SND1: variants seen among roughly 807,000 people sequenced by gnomAD.
SND1 encodes staphylococcal nuclease domain-containing protein 1.
SND1 carries 38 observed loss-of-function variants against 121.7 expected under a neutral mutation model. That is an observed-to-expected ratio of 0.31 (90% CI 0.24 to 0.41). The LOEUF is 0.41. SND1 is among the 10% of genes least tolerant of loss of function. The probability of loss-of-function intolerance (pLI) is 1.00; values close to 1 mark genes in which losing one functional copy is unlikely to be tolerated. For missense variants in SND1, 868 were observed against 1,184.6 expected (o/e 0.73, Z 3.92); for synonymous variants, 401 against 447.4 (o/e 0.90, Z 1.31).
At chr7:128,020,082 G>A (rs1414200245) in intron 16 of SND1, among the ~76,000 whole-genome samples, 1 of 152,186 alleles carries the variant, frequency 6.6e-6, no homozygotes, top group Non-Finnish European at 1.5e-5. Context: ...GTAGAGAGAA[G>A]GGGAAGGCCA....
chr7:127,757,414 C>T (rs1286895138), intron 10 of SND1, among the ~76,000 whole-genome samples: 1 of 152,148 alleles, frequency 6.6e-6, no homozygotes, highest in Non-Finnish European at 1.5e-5. Flanking sequence ...TGGATGCGCA[C>T]ATTCGTTTGT....
At chr7:127,935,106 G>C (rs1229115415) in intron 15 of SND1, among the ~76,000 whole-genome samples, 1 of 152,092 alleles carries the variant, frequency 6.6e-6, no homozygotes, top group Non-Finnish European at 1.5e-5. Flanking sequence ...GTAACCTCTC[G>C]GTACAGTTTC....
At chr7:127,711,737 C>CAAAAA (rs1320608722) in intron 9 of SND1, among the ~76,000 whole-genome samples, 2 of 151,854 alleles carry the variant, frequency 1.3e-5, no homozygotes, top group African/African-American at 4.8e-5. Flanking sequence ...GCTCATCTTC[C>CAAAAA]AGTTTTTTTC....
chr7:127,942,356 C>T (rs1352471786), intron 15 of SND1, among the ~76,000 whole-genome samples: 1 of 152,052 alleles, frequency 6.6e-6, no homozygotes, highest in African/African-American at 2.4e-5. Context: ...GTGAGATTTG[C>T]CAGGAGCAAA....
At chr7:127,945,235 G>A (rs995214318) in intron 15 of SND1, among the ~76,000 whole-genome samples, 9 of 152,244 alleles carry the variant, frequency 5.9e-5, no homozygotes, top group Non-Finnish European at 1.3e-4. Flanking sequence ...GCTCACGCCT[G>A]TAATCCCAGC....
intron 13 of SND1, among the ~76,000 whole-genome samples, chr7:127,900,381 G>A (rs138456978): frequency 7.2e-5 from 11 of 152,142 alleles, no homozygotes; most frequent in Non-Finnish European, 1.5e-4. Flanking sequence ...CTGTGACTGC[G>A]GTGCTCAGAC....
At chr7:127,831,363 A>G (rs960738836) in intron 11 of SND1, among the ~76,000 whole-genome samples, 5 of 152,232 alleles carry the variant, frequency 3.3e-5, no homozygotes, top group Non-Finnish European at 5.9e-5. Context: ...GCAGCTAGGT[A>G]TAACAAACAT....
chr7:127,922,197 T>TTTTG (rs1554443298), intron 14 of SND1, among the ~76,000 whole-genome samples: 2 of 135,372 alleles, frequency 1.5e-5, no homozygotes, highest in African/African-American at 5.6e-5. Context: ...TTTTTTTTTT[T>TTTTG]TTTTTTGTTT....
At chr7:128,038,078 A>C (rs1227328371) in intron 16 of SND1, among the ~76,000 whole-genome samples, 2 of 152,240 alleles carry the variant, frequency 1.3e-5, no homozygotes, top group African/African-American at 4.8e-5. Context: ...CTATGAATAG[A>C]GTGGCTTTTC....
intron 10 of SND1, among the ~76,000 whole-genome samples, chr7:127,784,889 G>T (rs563058651): frequency 1.3e-5 from 2 of 152,172 alleles, no homozygotes; most frequent in East Asian, 3.8e-4. Context: ...GAAAGTGGGG[G>T]CTGGCTTAAA....
chr7:127,894,853 T>C (rs1800086499), intron 13 of SND1, among the ~76,000 whole-genome samples: 1 of 151,542 alleles, frequency 6.6e-6, no homozygotes, highest in South Asian at 2.1e-4. Context: ...CTTCCAGGCA[T>C]GGGCGATAAT....
intron 9 of SND1, among the ~76,000 whole-genome samples, chr7:127,711,978 C>T (rs1275755757): frequency 6.6e-6 from 1 of 151,550 alleles, no homozygotes; most frequent in Non-Finnish European, 1.5e-5. Context: ...TTACTGCGCA[C>T]TCACTATGTT....
chr7:127,768,815 A>C (rs1481634380), intron 10 of SND1, among the ~76,000 whole-genome samples: 1 of 152,190 alleles, frequency 6.6e-6, no homozygotes, highest in African/African-American at 2.4e-5. Flanking sequence ...GTGTCGTTTT[A>C]TTCAAACTGA....
At chr7:127,962,861 A>G (rs770982710) in intron 15 of SND1, among the ~76,000 whole-genome samples, 7 of 152,210 alleles carry the variant, frequency 4.6e-5, no homozygotes, top group Non-Finnish European at 8.8e-5. Context: ...CAGGCATAAC[A>G]TGTTCTTAAC....
intron 14 of SND1, among the ~76,000 whole-genome samples, chr7:127,911,004 G>A (rs1406931988): frequency 1.3e-5 from 2 of 152,218 alleles, no homozygotes; most frequent in African/African-American, 4.8e-5. Flanking sequence ...TCCAGAGCAG[G>A]CAGTGTGTCC....
chr7:127,901,897 G>A (rs139420307), intron 13 of SND1, among the ~76,000 whole-genome samples: 68 of 152,284 alleles, frequency 4.5e-4, no homozygotes, highest in African/African-American at 1.3e-3. Context: ...GCAGGGTAGA[G>A]CATGAATAAT....
At chr7:127,913,617 G>A (rs1800506507) in intron 14 of SND1, among the ~76,000 whole-genome samples, 1 of 152,186 alleles carries the variant, frequency 6.6e-6, no homozygotes, top group Admixed American at 6.5e-5. Flanking sequence ...GGTTAAATGA[G>A]CCCATTACAG....
At chr7:127,894,057 T>C (rs990398944) in intron 13 of SND1, among the ~76,000 whole-genome samples, 1 of 152,114 alleles carries the variant, frequency 6.6e-6, no homozygotes, top group African/African-American at 2.4e-5. Context: ...TCACAGACTT[T>C]AGTCAAAAAG....
At chr7:127,797,573 G>T (rs558986022) in intron 10 of SND1, among the ~76,000 whole-genome samples, 2 of 152,172 alleles carry the variant, frequency 1.3e-5, no homozygotes, top group South Asian at 4.1e-4. Context: ...GTTTGTGTCC[G>T]GTTACATGTT....
Sources: gnomAD v4.1 joint callset for allele counts (sites outside exome capture counted in the v4.1 genomes callset) on GRCh38, gnomAD v4.1.1 for gene constraint, MANE v1.5 for transcripts, NCBI Gene and HGNC (gene_info 2026-07-23, HGNC 2026-07-21) for gene names.